The following P2RY12 variants were observed in gnomAD, a reference collection of about 807,000 sequenced individuals.
P2RY12 encodes purinergic receptor P2Y12, also known as P2Y purinoceptor 12.
In P2RY12, 3 loss-of-function variants were observed where a neutral mutation model predicts 4.5. The observed-to-expected ratio is 0.67, with a 90% CI of 0.31 to 1.74. The LOEUF is 1.74. Among genes scored for constraint, P2RY12 ranks in the 40% most tolerant of loss-of-function variants. The probability of loss-of-function intolerance (pLI) is 0.09; values close to 1 mark genes in which losing one functional copy is unlikely to be tolerated. For missense variants in P2RY12, 356 were observed against 407.8 expected, an observed-to-expected ratio of 0.87 and a Z score of 1.09; for synonymous variants, 148 against 154.1, an observed-to-expected ratio of 0.96 and a Z score of 0.29.
At chr3:151,355,624 G>T (rs1753815716) in intron 1 of P2RY12, among the ~76,000 whole-genome samples, 1 of 152,180 alleles carries the variant, frequency 6.6e-6, no homozygotes, top group African/African-American at 2.4e-5. Flanking sequence ...TCAAATGGTT[G>T]TGTCTAAAAA....
At position 151,337,727 on chromosome 3, in the gene P2RY12, G is replaced by T; in HGVS notation, c.*90C>A. Reference sequence around the variant, plus strand: ...TAGAGTCATTATTATTAACTTAGTTGCTTCTTCGTCAGTTAATATTTTTAC... The same window carrying T: ...TAGAGTCATTATTATTAACTTAGTTTCTTCTTCGTCAGTTAATATTTTTAC... On this transcript the variant is annotated 3_prime_UTR_variant, in exon 3 of 3. Transcript: ENST00000302632. 7.9e-7 allele frequency: 1 copy of T among 1,270,094 alleles called. No homozygotes were observed. Among genetic ancestry groups the T allele is most frequent in the Non-Finnish European group, 1.1e-6 (1 of 891,370 alleles). The allele number at this position is 1,270,094 out of a possible 1,614,324, so 78.7% of individuals were successfully genotyped here. A position where few individuals can be genotyped will look rare whatever the true frequency, so the allele number is the denominator to read the frequency against.
intron 1 of P2RY12, among the ~76,000 whole-genome samples, chr3:151,353,208 G>T (rs920891379): frequency 6.6e-6 from 1 of 152,138 alleles, no homozygotes; most frequent in African/African-American, 2.4e-5. Flanking sequence ...GTCCCAGGAA[G>T]AACTGAATCA....
chr3:151,369,402 T>G, intron 1 of P2RY12: 1 of 1,394,940 alleles, frequency 7.2e-7, no homozygotes, highest in Non-Finnish European at 1.0e-6. Context: ...CTAATGATGG[T>G]AATGAGACTA....
intron 1 of P2RY12, among the ~76,000 whole-genome samples, chr3:151,357,847 T>C (rs1252979322): frequency 1.3e-5 from 2 of 152,230 alleles, no homozygotes; most frequent in East Asian, 3.8e-4. Flanking sequence ...TAGAACAAAT[T>C]ACTTCATTTT....
chr3:151,378,019 G>A (rs1711540343), intron 1 of P2RY12: 1 of 1,598,136 alleles, frequency 6.3e-7, no homozygotes, highest in Non-Finnish European at 8.5e-7. Context: ...TAGTTCCTCC[G>A]AACGCAGGGG....
chr3:151,348,213 C>T (rs1007923300), intron 1 of P2RY12, among the ~76,000 whole-genome samples: 27 of 152,020 alleles, frequency 1.8e-4, no homozygotes, highest in Admixed American at 9.8e-4. Context: ...TACATTAGGA[C>T]CATCTGATAT....
chr3:151,340,011 C>T (rs1751605246), intron 2 of P2RY12, among the ~76,000 whole-genome samples: 1 of 151,958 alleles, frequency 6.6e-6, no homozygotes, highest in Non-Finnish European at 1.5e-5. Flanking sequence ...CTTAAATTCC[C>T]CAAAATGTCC....
At chr3:151,365,363 C>G (rs564889359) in intron 1 of P2RY12, among the ~76,000 whole-genome samples, 1 of 152,266 alleles carries the variant, frequency 6.6e-6, no homozygotes, top group East Asian at 1.9e-4. Context: ...TCTGCACTAT[C>G]TTTTAATTTC....
intron 1 of P2RY12, 153 bp from the exon 2 acceptor site, chr3:151,340,913 T>C (rs1473373639): frequency 6.6e-6 from 1 of 152,226 alleles, no homozygotes; most frequent in Non-Finnish European, 1.5e-5. Flanking sequence ...TGAGGATGGC[T>C]GAGAAGTCAT....
intron 1 of P2RY12, among the ~76,000 whole-genome samples, chr3:151,362,724 A>G (rs1754765820): frequency 6.6e-6 from 1 of 152,182 alleles, no homozygotes; most frequent in Admixed American, 6.6e-5. Context: ...TGAAAAAAAA[A>G]TCTGTTGAAT....
At chr3:151,359,757 C>G (rs147218021) in intron 1 of P2RY12, among the ~76,000 whole-genome samples, 2 of 152,108 alleles carry the variant, frequency 1.3e-5, no homozygotes, top group African/African-American at 4.8e-5. Flanking sequence ...ATGGCTGAGC[C>G]CTGTAACAAA....
At chr3:151,378,704 G>A (rs757814585) in intron 1 of P2RY12, among the ~76,000 whole-genome samples, 6 of 151,946 alleles carry the variant, frequency 3.9e-5, no homozygotes, top group Non-Finnish European at 5.9e-5. Context: ...TTTGAAAACC[G>A]TGTTACTGAG....
At chr3:151,369,477 C>T (rs749608325) in intron 1 of P2RY12, 1 of 1,611,908 alleles carries the variant, frequency 6.2e-7, no homozygotes, top group Non-Finnish European at 8.5e-7. Flanking sequence ...TGATAGACAC[C>T]TCTTAGCCGC....
intron 1 of P2RY12, chr3:151,360,709 T>C: frequency 9.3e-7 from 1 of 1,074,680 alleles, no homozygotes; most frequent in Admixed American, 2.4e-5. Flanking sequence ...CTAATTGCAA[T>C]TGTATCTATT....
intron 1 of P2RY12, among the ~76,000 whole-genome samples, chr3:151,363,594 C>T (rs1017329519): frequency 6.6e-6 from 1 of 152,180 alleles, no homozygotes; most frequent in African/African-American, 2.4e-5. Context: ...AACTTGTATC[C>T]TTCAATGACA....
chr3:151,344,486 A>G (rs1752288978), intron 1 of P2RY12, among the ~76,000 whole-genome samples: 1 of 152,178 alleles, frequency 6.6e-6, no homozygotes, highest in Non-Finnish European at 1.5e-5. Context: ...GTTTTAAGGC[A>G]TCTTTTAAGA....
chr3:151,339,572 A>G (rs370542375), intron 2 of P2RY12, among the ~76,000 whole-genome samples: 1 of 151,984 alleles, frequency 6.6e-6, no homozygotes, highest in African/African-American at 2.4e-5. Flanking sequence ...CTTATTTCCA[A>G]CTTTCCTCAG....
At position 151,371,544 on chromosome 3, in the gene P2RY12, TACTC is replaced by T. The variant is rs759221056; in HGVS notation, c.-180+13144_-180+13147del. Among the ~76,000 whole-genome samples the T allele has an allele frequency of 5.5e-4, 83 of 152,240 alleles. 1 individual carries two copies. Among genetic ancestry groups the T allele is most frequent in the Non-Finnish European group, 1.1e-3 (73 of 68,042 alleles). On this transcript the variant is annotated intron_variant, in intron 1 of 2. Transcript: ENST00000302632. ...CTCTGCTTAAGATTTTGTTAGTAAATACTCAGTAAGCCATTTTTTTCAGCAAAGT... is the reference window on the plus strand; with the variant it reads ...CTCTGCTTAAGATTTTGTTAGTAAATAGTAAGCCATTTTTTTCAGCAAAGT...
rs375351785 is a variant in P2RY12, at chr3:151,365,806, C to G, written c.-180+18886G>C. ...AAGTATATCACAGGTGAGTATTTCT[C>G]TTTTGTACAAGGTTACTTTCTGTGT... On this transcript the variant is annotated intron_variant, in intron 1 of 2. Transcript: ENST00000302632. 2.5e-4 allele frequency: 382 copies of G among 1,519,992 alleles called. 1 individual carries two copies. The highest frequency in any genetic ancestry group is 3.1e-4 in the Non-Finnish European group (353 of 1,127,804). The allele number at this position is 1,519,992 out of a possible 1,614,324, so 94.2% of individuals were successfully genotyped here. A position where few individuals can be genotyped will look rare whatever the true frequency, so the allele number is the denominator to read the frequency against.
Sources: allele counts gnomAD v4.1 joint callset (sites outside exome capture counted in the v4.1 genomes callset), GRCh38; gene constraint gnomAD v4.1.1; transcripts MANE v1.5; gene names NCBI Gene and HGNC (gene_info 2026-07-23, HGNC 2026-07-21).